The following IGSF5 variants were observed in gnomAD, a reference collection of about 807,000 sequenced individuals.
The protein encoded by IGSF5 is immunoglobulin superfamily 5 like.
In IGSF5, 41 loss-of-function variants were observed where a neutral mutation model predicts 39.4. The observed-to-expected ratio is 1.04, with a 90% CI of 0.81 to 1.35. IGSF5 has a LOEUF of 1.35. IGSF5 is among the 40% of genes most tolerant of loss of function. IGSF5 has a pLI of 0.00. For missense variants in IGSF5, 487 were observed against 494.6 expected, an observed-to-expected ratio of 0.98 and a Z score of 0.15; for synonymous variants, 183 against 175.3, an observed-to-expected ratio of 1.04 and a Z score of -0.34.
At chr21:39,739,045 C>T in the IGSF5 span, among the ~76,000 whole-genome samples, 5 of 152,018 alleles carry the variant, frequency 3.3e-5, no homozygotes, top group East Asian at 3.9e-4. Context: ...CCCGCCACCA[C>T]GCCCAGCTAA....
chr21:39,782,014 A>G (rs1569256529), intron 5 of IGSF5, among the ~76,000 whole-genome samples: 2 of 141,572 alleles, frequency 1.4e-5, no homozygotes, highest in African/African-American at 2.7e-5. Context: ...CTTCTGTGTG[A>G]TATGTTGTAT....
rs759551907 is a variant in IGSF5, at chr21:39,792,118, T to A, written c.1048+19T>A. ...ACCACAGGTGAGTAGACAAGAGGGG[T>A]GGTGAAAAGACCTGGGAAAGAGAGA... On this transcript the variant is annotated intron_variant, in intron 7 of 8. Transcript: ENST00000380588. The A allele has an allele frequency of 1.2e-5, 18 of 1,545,838 alleles. No homozygotes were observed. In the South Asian group the frequency reaches 2.1e-4, roughly 18 times the overall value.
At chr21:39,773,487 T>TCCTTTTTTTTTC (rs1434959534) in intron 4 of IGSF5, among the ~76,000 whole-genome samples, 3 of 152,050 alleles carry the variant, frequency 2.0e-5, no homozygotes, top group Admixed American at 2.0e-4. Context: ...TCTTTTTTTT[T>TCCTTTTTTTTTC]CCTCACAGTT....
intron 1 of IGSF5, 48 bp from the exon 2 acceptor site, chr21:39,746,168 G>A (rs1406352154): frequency 5.7e-6 from 4 of 701,170 alleles, no homozygotes; most frequent in Non-Finnish European, 1.0e-5. Flanking sequence ...GAACAATGGC[G>A]AGCCTTTAGC....
upstream of IGSF5, among the ~76,000 whole-genome samples, chr21:39,743,222 T>C (rs1012640582): frequency 2.3e-4 from 35 of 152,338 alleles, no homozygotes; most frequent in African/African-American, 8.2e-4. Flanking sequence ...GGAATCATTC[T>C]CTTTCTTCTG....
intron 3 of IGSF5, among the ~76,000 whole-genome samples, chr21:39,770,290 T>C (rs1247300305): frequency 6.6e-6 from 1 of 152,064 alleles, no homozygotes; most frequent in Non-Finnish European, 1.5e-5. Context: ...AAATAACTTA[T>C]CTAAGTTATT....
chr21:39,740,844 G>T (rs2079945453), upstream of IGSF5, among the ~76,000 whole-genome samples: 2 of 152,206 alleles, frequency 1.3e-5, no homozygotes, highest in African/African-American at 2.4e-5. Flanking sequence ...TTAAGTAAAT[G>T]GTTGTCTGAC....
At chr21:39,788,901 T>C (rs1482315243) in intron 6 of IGSF5, among the ~76,000 whole-genome samples, 1 of 152,210 alleles carries the variant, frequency 6.6e-6, no homozygotes, top group East Asian at 1.9e-4. Context: ...AATATTTACA[T>C]TTTTAAGTGC....
the IGSF5 span, chr21:39,725,735 G>A: frequency 2.6e-5 from 4 of 152,002 alleles, no homozygotes; most frequent in Non-Finnish European, 1.5e-5. Flanking sequence ...ATGTGGATCT[G>A]GAAAAAAAAC....
chr21:39,791,770 G>A (rs2086966674), intron 6 of IGSF5: 2 of 421,490 alleles, frequency 4.7e-6, no homozygotes, highest in African/African-American at 2.0e-5. Context: ...TAACAACTGG[G>A]GAGTAGAGTC....
At chr21:39,748,549 T>A (rs2079987649) in intron 2 of IGSF5, among the ~76,000 whole-genome samples, 1 of 151,924 alleles carries the variant, frequency 6.6e-6, no homozygotes, top group Admixed American at 6.6e-5. Flanking sequence ...GACCTCATGA[T>A]CTGCCCACTT....
At position 39,801,424 on chromosome 21, in the gene IGSF5, C is replaced by T. The variant is rs1307329216; in HGVS notation, c.*67C>T. On this transcript the variant is annotated 3_prime_UTR_variant, in exon 9 of 9. Transcript: ENST00000380588. ...TCAAAACACGGCGATGGCATCCTTCCTTTCCATCCTAAGACTGGCCTGCAG... is the reference window on the plus strand; with the variant it reads ...TCAAAACACGGCGATGGCATCCTTCTTTTCCATCCTAAGACTGGCCTGCAG... 2 of 1,164,406 alleles carry T rather than the reference C, an allele frequency of 1.7e-6. No individual in the cohort carries two copies. The highest frequency in any genetic ancestry group is 1.3e-5 in the South Asian group (1 of 78,572). The allele number at this position is 1,164,406 out of a possible 1,614,324, so 72.1% of individuals were successfully genotyped here. A position where few individuals can be genotyped will look rare whatever the true frequency, so the allele number is the denominator to read the frequency against.
At chr21:39,797,734 T>C (rs1183471391) in intron 8 of IGSF5, among the ~76,000 whole-genome samples, 1 of 152,146 alleles carries the variant, frequency 6.6e-6, no homozygotes, top group African/African-American at 2.4e-5. Context: ...TTGCCCAGGC[T>C]GTTCTTAAAC....
chr21:39,770,600 A>G lies in IGSF5; in HGVS notation c.419-316A>G, dbSNP rs536685795. ...ACTTCAGGGATTGTATAACCCCCCT[A>G]TGGCATGCACTTTTCTTTCCCACAT... On this transcript the variant is annotated intron_variant, in intron 3 of 8. Coordinates refer to ENST00000380588, the MANE Select transcript of IGSF5 (RefSeq NM_001080444.2). Among the ~76,000 whole-genome samples, 11 of 152,136 alleles carry G rather than the reference A, an allele frequency of 7.2e-5. No individual in the cohort carries two copies. In the South Asian group the frequency reaches 1.9e-3, roughly 26 times the overall value.
the IGSF5 span, among the ~76,000 whole-genome samples, chr21:39,728,472 A>T: frequency 1.6e-4 from 24 of 152,254 alleles, no homozygotes; most frequent in Non-Finnish European, 3.4e-4. Flanking sequence ...TTTCAGAGGG[A>T]GCCTGGCCTT....
intron 2 of IGSF5, among the ~76,000 whole-genome samples, chr21:39,748,478 T>G (rs1235475): frequency 0.72 from 108,770 of 151,376 alleles, 41,373 homozygotes; most frequent in Non-Finnish European, 0.84. Context: ...ATCCGGCTAA[T>G]TTTTGTGTTA....
the IGSF5 span, among the ~76,000 whole-genome samples, chr21:39,726,688 T>C: frequency 6.6e-6 from 1 of 152,336 alleles, no homozygotes; most frequent in East Asian, 1.9e-4. Context: ...CAATTGCAGC[T>C]GGAGGTGATT....
intron 2 of IGSF5, 115 bp from the exon 3 acceptor site, chr21:39,765,420 G>A: frequency 1.1e-6 from 1 of 888,998 alleles, no homozygotes; most frequent in African/African-American, 1.6e-5. Flanking sequence ...CACAGTCTGA[G>A]TCACTGGATG....
chr21:39,712,397 G>T, the IGSF5 span, among the ~76,000 whole-genome samples: 8 of 152,256 alleles, frequency 5.3e-5, no homozygotes, highest in East Asian at 1.2e-3. Flanking sequence ...TAAACCCTCG[G>T]ATAGTGATGG....
Sources: allele counts gnomAD v4.1 joint callset (sites outside exome capture counted in the v4.1 genomes callset), GRCh38; gene constraint gnomAD v4.1.1; transcripts MANE v1.5; gene names NCBI Gene and HGNC (gene_info 2026-07-23, HGNC 2026-07-21).